DDX55: variants seen among roughly 807,000 people sequenced by gnomAD.
The protein encoded by DDX55 is DEAD-box helicase 55.
DDX55 carries 56 observed loss-of-function variants against 69.2 expected under a neutral mutation model. The ratio of observed to expected loss-of-function variants is 0.81; its 90% CI spans 0.65 to 1.01. The LOEUF (loss-of-function observed/expected upper bound fraction) is 1.01. Ranked by LOEUF, DDX55 falls within the 50% of genes least tolerant of loss-of-function variation. The pLI is 0.00. For missense variants in DDX55, 720 were observed against 745.1 expected (o/e 0.97, Z 0.39); for synonymous variants, 268 against 273.1 (o/e 0.98, Z 0.18).
Position 123,613,253 on chromosome 12 carries a change from G to T in DDX55, c.824+1G>T, listed in dbSNP as rs149103406. The T allele has an allele frequency of 1.3e-4, 213 of 1,613,938 alleles. No homozygotes were observed. The highest frequency in any genetic ancestry group is 1.7e-4 in the Non-Finnish European group (203 of 1,179,944). ...AGGAGAAACACCTGGTCTTCTTCAG[G>T]TACTCCTCTGGTCTCTGTGGTAGAG... On this transcript the variant is annotated splice_donor_variant, in intron 8 of 13. Transcript: ENST00000238146. LOFTEE classifies it high-confidence loss of function.
intron 11 of DDX55, 45 bp from the exon 12 acceptor site, chr12:123,618,624 A>C (rs2099271059): frequency 6.3e-7 from 1 of 1,591,892 alleles, no homozygotes; most frequent in Admixed American, 1.7e-5. Context: ...TGGGGATATG[A>C]TGCCAGCCAG....
At chr12:123,619,114 T>C (rs1376191135) in intron 12 of DDX55, among the ~76,000 whole-genome samples, 1 of 152,262 alleles carries the variant, frequency 6.6e-6, no homozygotes. Flanking sequence ...GCCATTCTCC[T>C]GTCTCAGCCT....
chr12:123,619,126 C>T (rs1593761613), intron 12 of DDX55, among the ~76,000 whole-genome samples: 1 of 152,226 alleles, frequency 6.6e-6, no homozygotes, highest in East Asian at 1.9e-4. Context: ...TCTCAGCCTC[C>T]CGAGTAGCTG....
chr12:123,611,359 A>G (rs1413690164), intron 7 of DDX55, among the ~76,000 whole-genome samples: 1 of 152,188 alleles, frequency 6.6e-6, no homozygotes, highest in Non-Finnish European at 1.5e-5. Flanking sequence ...AGGAGGCACA[A>G]ATGTAGAGAG....
At chr12:123,613,048 A>G (rs1384881494) in intron 7 of DDX55, 122 bp from the exon 8 acceptor site, 2 of 960,772 alleles carry the variant, frequency 2.1e-6, no homozygotes, top group Non-Finnish European at 3.2e-6. Flanking sequence ...CATTCCGACT[A>G]AAGTCTGTCC....
chr12:123,605,788 T>C lies in DDX55; in HGVS notation c.109-143T>C. 2.7e-6 allele frequency: 3 copies of C among 1,098,812 alleles called. No homozygotes were observed. In the Admixed American group the frequency reaches 5.4e-5, roughly 20 times the overall value. 68.1% of individuals were successfully genotyped at this position (1,098,812 alleles called of 1,614,324 possible). ...CAGTTGCCACGTTTGATTCAACTTC[T>C]CTATGGTGACTTGGTTACTCAGAGC... On this transcript the variant is annotated intron_variant, in intron 1 of 13. Coordinates refer to ENST00000238146, the MANE Select transcript of DDX55 (RefSeq NM_020936.3).
At chr12:123,604,324 C>A (rs1387232974) in intron 1 of DDX55, among the ~76,000 whole-genome samples, 1 of 152,186 alleles carries the variant, frequency 6.6e-6, no homozygotes, top group East Asian at 1.9e-4. Flanking sequence ...GGGAGGATCA[C>A]TTGAGATCAG....
At chr12:123,613,282 T>C (rs1188071197) in intron 8 of DDX55, 30 bp downstream of exon 8, 1 of 1,608,138 alleles carries the variant, frequency 6.2e-7, no homozygotes, top group Non-Finnish European at 8.5e-7. Flanking sequence ...GGTAGAGGCA[T>C]CAGGGATTCA....
At position 123,602,244 on chromosome 12, in the gene DDX55, G is replaced by A. The variant is rs574384721; in HGVS notation, c.96G>A (p.Met32Ile). ...GALRELGFPY[M>I]TPVQSATIPL... is the part of the protein sequence containing the mutation. ...TGCGGGAGCTGGGCTTCCCGTACATGACGCCGGTGCAGGTATCGGTTCCCT... is the reference window on the plus strand; with the variant it reads ...TGCGGGAGCTGGGCTTCCCGTACATAACGCCGGTGCAGGTATCGGTTCCCT... The change falls in exon 1 of 14, where the codon ATG becomes ATA. Residue 32 changes from methionine to isoleucine, a missense_variant. Transcript: ENST00000238146. 5 of 1,565,632 alleles carry A rather than the reference G, an allele frequency of 3.2e-6. No individual in the cohort carries two copies. In the African/African-American group the frequency reaches 5.4e-5, roughly 17 times the overall value.
rs1337891181 is a variant in DDX55, at chr12:123,602,477, G to C, written c.108+221G>C. Among the ~76,000 whole-genome samples the C allele has an allele frequency of 1.1e-4, 16 of 152,354 alleles. 1 individual carries two copies. The South Asian group carries it at 3.3e-3, about 32-fold the overall frequency. On this transcript the variant is annotated intron_variant, in intron 1 of 13. Coordinates refer to ENST00000238146, the MANE Select transcript of DDX55 (RefSeq NM_020936.3). ...GACCCACCCCGCCCTCGGGTGCTGT[G>C]GTCTCAAGCCTGGTTCTCATCCTGG...
chr12:123,605,592 A>G, intron 1 of DDX55: 1 of 392,928 alleles, frequency 2.5e-6, no homozygotes, highest in Non-Finnish European at 4.9e-6. Context: ...TTAAAATGAG[A>G]GGGTTTATTT....
chr12:123,605,452 A>C lies in DDX55; in HGVS notation c.109-479A>C, dbSNP rs1390191099. 2.8e-5 allele frequency: 7 copies of C among 245,656 alleles called. No individual in the cohort carries two copies. In the South Asian group the frequency reaches 3.2e-4, roughly 11 times the overall value. 15.2% of individuals were successfully genotyped at this position (245,656 alleles called of 1,614,324 possible). ...TATTACACCTGCTGTGATTTAAGTG[A>C]GCTCAGGCCCTGGGGACCAGGGCTG... On this transcript the variant is annotated intron_variant, in intron 1 of 13. Coordinates refer to ENST00000238146, the MANE Select transcript of DDX55 (RefSeq NM_020936.3).
chr12:123,619,644 AT>A lies in DDX55; in HGVS notation c.1547del (p.Ile516LysfsTer19). The stretch of plus-strand genomic sequence containing the variant: ...AGAAAATGAAGGGAGAAGAAAATTC[AT>A]AAAAAATAAAGCTTGGTCAAAGCAG... ...KTENEGRRKFIKNKAWSKQKA... is the reference protein window; with the variant it reads ...KTENEGRRKFXKNKAWSKQKA... On this transcript the variant is annotated frameshift_variant, in exon 13 of 14. Coordinates refer to ENST00000238146, the MANE Select transcript of DDX55 (RefSeq NM_020936.3). LOFTEE classifies it high-confidence loss of function. 6.2e-7 allele frequency: 1 copy of A among 1,611,536 alleles called. No homozygotes were observed.
At chr12:123,618,005 C>T in intron 11 of DDX55, 133 bp downstream of exon 11, 1 of 763,162 alleles carries the variant, frequency 1.3e-6, no homozygotes, top group East Asian at 2.9e-5. Flanking sequence ...CAGTGGGGGG[C>T]CCTGGTGGGG....
At chr12:123,602,894 AG>A (rs1317182654) in intron 1 of DDX55, among the ~76,000 whole-genome samples, 1 of 152,156 alleles carries the variant, frequency 6.6e-6, no homozygotes, top group Non-Finnish European at 1.5e-5. Flanking sequence ...GTGTTAAGGA[AG>A]GCCTCTCTGA....
At chr12:123,611,811 C>G (rs1954264557) in intron 7 of DDX55, among the ~76,000 whole-genome samples, 1 of 152,120 alleles carries the variant, frequency 6.6e-6, no homozygotes, top group African/African-American at 2.4e-5. Flanking sequence ...TAGCTCTTCC[C>G]AAGCAGAGGG....
At chr12:123,602,294 A>T in intron 1 of DDX55, 38 bp downstream of exon 1, 1 of 1,502,710 alleles carries the variant, frequency 6.7e-7, no homozygotes, top group Non-Finnish European at 8.9e-7. Flanking sequence ...AGGCTGGGAG[A>T]GGGGCAGGCA....
At chr12:123,617,693 C>A in intron 10 of DDX55, 65 bp from the exon 11 acceptor site, 2 of 1,438,886 alleles carry the variant, frequency 1.4e-6, no homozygotes, top group Non-Finnish European at 1.9e-6. Flanking sequence ...AGCCATGTGG[C>A]TGGAGCCTGA....
Position 123,619,416 on chromosome 12 carries a change from C to G in DDX55, c.1334-16C>G, listed in dbSNP as rs1249898423. On this transcript the variant is annotated splice_polypyrimidine_tract_variant and intron_variant, in intron 12 of 13. Transcript: ENST00000238146. ...TCCTGTTGAGTGCGCTAACTCTGAT[C>G]TTCTGATTGAATCAGATCTTGATTT... 1 of 1,604,290 alleles carries G rather than the reference C, an allele frequency of 6.2e-7. No individual in the cohort carries two copies.
Sources: allele counts gnomAD v4.1 joint callset (sites outside exome capture counted in the v4.1 genomes callset), GRCh38; gene constraint gnomAD v4.1.1; transcripts MANE v1.5; gene names NCBI Gene and HGNC (gene_info 2026-07-23, HGNC 2026-07-21).